Variants in MACROD2 observed in about 807,000 individuals in gnomAD.
MACROD2 encodes mono-ADP ribosylhydrolase 2.
A neutral mutation model predicts 70.4 loss-of-function variants in MACROD2; 36 were observed. The ratio of observed to expected loss-of-function variants is 0.51; its 90% CI spans 0.39 to 0.68. The LOEUF (loss-of-function observed/expected upper bound fraction) is 0.68. Ranked by LOEUF, MACROD2 falls within the 30% of genes least tolerant of loss-of-function variation. The pLI, the probability that MACROD2 is intolerant of heterozygous loss-of-function variation, is 0.00. For synonymous variants in MACROD2, 172 were observed against 178.8 expected, an observed-to-expected ratio of 0.96 and a Z score of 0.30; for missense variants, 496 against 538.4, an observed-to-expected ratio of 0.92 and a Z score of 0.78.
chr20:15,218,096 T>C (rs2076826790), intron 5 of MACROD2, among the ~76,000 whole-genome samples: 1 of 152,222 alleles, frequency 6.6e-6, no homozygotes, highest in African/African-American at 2.4e-5. Flanking sequence ...TGTCCTTTTT[T>C]CTTTTACTCT....
chr20:14,942,157 C>T (rs2074396067), intron 5 of MACROD2, among the ~76,000 whole-genome samples: 1 of 152,014 alleles, frequency 6.6e-6, no homozygotes, highest in African/African-American at 2.4e-5. Flanking sequence ...GCTTTTAAAA[C>T]CTGCCAGGTG....
intron 7 of MACROD2, among the ~76,000 whole-genome samples, chr20:15,497,580 G>T (rs1334947641): frequency 6.6e-6 from 1 of 152,080 alleles, no homozygotes; most frequent in East Asian, 1.9e-4. Context: ...GTGAGCCACC[G>T]CACCTGGCCG....
chr20:14,672,855 A>G (rs913659243), intron 4 of MACROD2, among the ~76,000 whole-genome samples: 1 of 152,214 alleles, frequency 6.6e-6, no homozygotes, highest in African/African-American at 2.4e-5. Flanking sequence ...TAAATTACAT[A>G]CAAGTACTAC....
At chr20:15,771,138 G>C (rs932266789) in intron 8 of MACROD2, among the ~76,000 whole-genome samples, 9 of 152,090 alleles carry the variant, frequency 5.9e-5, no homozygotes, top group African/African-American at 2.2e-4. Flanking sequence ...TCAGGCAGCA[G>C]GGACTCAGCC....
intron 6 of MACROD2, among the ~76,000 whole-genome samples, chr20:15,399,284 A>G (rs2045899318): frequency 6.6e-6 from 1 of 152,188 alleles, no homozygotes; most frequent in Non-Finnish European, 1.5e-5. Context: ...AACAGCCACC[A>G]TGGTTTTATC....
At chr20:15,904,270 C>T (rs1453129493) in intron 10 of MACROD2, among the ~76,000 whole-genome samples, 2 of 152,076 alleles carry the variant, frequency 1.3e-5, no homozygotes, top group South Asian at 2.1e-4. Flanking sequence ...CCTCCAGCCT[C>T]GGCCTCCCAA....
chr20:14,573,019 A>G (rs1015356616), intron 4 of MACROD2, among the ~76,000 whole-genome samples: 2 of 151,434 alleles, frequency 1.3e-5, no homozygotes, highest in East Asian at 1.9e-4. Flanking sequence ...AGAATAGTCT[A>G]AGTATAAACA....
At chr20:15,220,626 A>T (rs1568646819) in intron 5 of MACROD2, among the ~76,000 whole-genome samples, 1 of 152,262 alleles carries the variant, frequency 6.6e-6, no homozygotes, top group Non-Finnish European at 1.5e-5. Context: ...CGTAAGTGAT[A>T]TTATAGAGCA....
intron 5 of MACROD2, among the ~76,000 whole-genome samples, chr20:14,864,236 G>A (rs1276797158): frequency 6.6e-6 from 1 of 152,084 alleles, no homozygotes; most frequent in Non-Finnish European, 1.5e-5. Context: ...CTATAGTAAA[G>A]ACATTTTTGT....
chr20:14,427,613 A>T (rs996538991), intron 3 of MACROD2, among the ~76,000 whole-genome samples: 4 of 152,048 alleles, frequency 2.6e-5, no homozygotes, highest in African/African-American at 9.7e-5. Context: ...CAAATCCACA[A>T]CCATGACACA....
intron 8 of MACROD2, among the ~76,000 whole-genome samples, chr20:15,533,420 C>T (rs1398105695): frequency 6.6e-6 from 1 of 152,126 alleles, no homozygotes; most frequent in Non-Finnish European, 1.5e-5. Flanking sequence ...CGCTTTAGGA[C>T]ATGTAATTTT....
chr20:15,147,559 C>T (rs2076239607), intron 5 of MACROD2, among the ~76,000 whole-genome samples: 1 of 151,136 alleles, frequency 6.6e-6, no homozygotes, highest in South Asian at 2.1e-4. Context: ...CTTCTTATCC[C>T]TTTTTGTGCC....
chr20:14,849,311 C>T (rs551142168), intron 5 of MACROD2, among the ~76,000 whole-genome samples: 2 of 152,254 alleles, frequency 1.3e-5, no homozygotes, highest in South Asian at 2.1e-4. Context: ...AGGTTTTACC[C>T]CTCACCTCAT....
chr20:15,395,797 C>T (rs181136888), intron 6 of MACROD2, among the ~76,000 whole-genome samples: 3 of 152,306 alleles, frequency 2.0e-5, no homozygotes, highest in East Asian at 3.9e-4. Flanking sequence ...GGCAGGCCTT[C>T]GACAAAGTCA....
At chr20:15,701,359 A>C (rs1213316560) in intron 8 of MACROD2, among the ~76,000 whole-genome samples, 2 of 152,216 alleles carry the variant, frequency 1.3e-5, no homozygotes, top group Non-Finnish European at 2.9e-5. Context: ...CAGGGCACTA[A>C]AAATTTAGTG....
chr20:14,055,217 T>C (rs1244058121), intron 2 of MACROD2, among the ~76,000 whole-genome samples: 3 of 152,188 alleles, frequency 2.0e-5, no homozygotes, highest in Admixed American at 6.5e-5. Flanking sequence ...AATAATGTTT[T>C]AAGCATTCTA....
At chr20:15,567,996 G>A (rs369754130) in intron 8 of MACROD2, among the ~76,000 whole-genome samples, 10 of 152,344 alleles carry the variant, frequency 6.6e-5, no homozygotes, top group African/African-American at 2.4e-4. Flanking sequence ...TCATCAGTTT[G>A]TGAATTCTGA....
At chr20:15,749,736 A>T (rs2051239381) in intron 8 of MACROD2, among the ~76,000 whole-genome samples, 1 of 152,112 alleles carries the variant, frequency 6.6e-6, no homozygotes, top group African/African-American at 2.4e-5. Context: ...ATGAGAAGTG[A>T]TTACACATGT....
intron 5 of MACROD2, among the ~76,000 whole-genome samples, chr20:15,150,279 G>A (rs113407520): frequency 0.17 from 26,058 of 151,962 alleles, 3,123 homozygotes; most frequent in Non-Finnish European, 0.26. Context: ...CTGGGACGAG[G>A]GGTGTAGGGG....
Sources: allele counts gnomAD v4.1 joint callset (sites outside exome capture counted in the v4.1 genomes callset), GRCh38; gene constraint gnomAD v4.1.1; transcripts MANE v1.5; gene names NCBI Gene and HGNC (gene_info 2026-07-23, HGNC 2026-07-21).